The following PHF7 variants were observed in gnomAD, a reference collection of about 807,000 sequenced individuals.
PHF7 encodes the protein E3 ubiquitin-protein ligase PHF7.
In PHF7, 24 loss-of-function variants were observed where a neutral mutation model predicts 47.5. The ratio of observed to expected loss-of-function variants is 0.51; its 90% confidence interval spans 0.37 to 0.71. The LOEUF is 0.71. Ranked by LOEUF, PHF7 falls within the 30% of genes least tolerant of loss-of-function variation. PHF7 has a pLI of 0.00. For synonymous variants in PHF7, 156 were observed against 153.8 expected, an observed-to-expected ratio of 1.01 and a Z score of -0.11; for missense variants, 361 against 456.8, an observed-to-expected ratio of 0.79 and a Z score of 1.91.
At chr3:52,413,776 A>G (rs1257648437) in intron 2 of PHF7, among the ~76,000 whole-genome samples, 2 of 152,228 alleles carry the variant, frequency 1.3e-5, no homozygotes, top group East Asian at 3.8e-4. Flanking sequence ...CAGAGGTTGC[A>G]GTAAGCTGAG....
At chr3:52,416,295 C>T (rs376382102) in intron 4 of PHF7, among the ~76,000 whole-genome samples, 2 of 150,754 alleles carry the variant, frequency 1.3e-5, no homozygotes, top group Non-Finnish European at 3.0e-5. Context: ...GAGCAATTCT[C>T]CTGCATCAGC....
At chr3:52,416,228 C>T (rs141127832) in intron 4 of PHF7, among the ~76,000 whole-genome samples, 1 of 150,420 alleles carries the variant, frequency 6.6e-6, no homozygotes, top group South Asian at 2.1e-4. Context: ...CTCTGTCGCC[C>T]AGGCTGGAGT....
rs768729849 is a variant in PHF7 at position 52,423,510 on chromosome 3, A to G, written c.*193A>G. On this transcript the variant is annotated 3_prime_UTR_variant, in exon 11 of 11. Coordinates refer to ENST00000327906, the MANE Select transcript of PHF7 (RefSeq NM_016483.7). ...CAGATGCCAACAAGGAAATGCGTTT[A>G]TGGCTACAAGAGTGCCTCTGCTTTC... 11 of 546,010 alleles carry G rather than the reference A, an allele frequency of 2.0e-5. No individual in the cohort carries two copies. The highest frequency in any genetic ancestry group is 3.6e-5 in the Non-Finnish European group (11 of 306,664). 33.8% of individuals were successfully genotyped at this position (546,010 alleles called of 1,614,324 possible). A position where few individuals can be genotyped will look rare whatever the true frequency, so the allele number is the denominator to read the frequency against.
intron 1 of PHF7, among the ~76,000 whole-genome samples, chr3:52,411,907 G>A (rs1705454337): frequency 6.6e-6 from 1 of 152,206 alleles, no homozygotes; most frequent in African/African-American, 2.4e-5. Flanking sequence ...GGCCACCTGA[G>A]CCTAGGTGAA....
At chr3:52,419,800 ATTG>A in intron 4 of PHF7, 30 bp from the exon 5 acceptor site, 1 of 1,196,290 alleles carries the variant, frequency 8.4e-7, no homozygotes, top group Non-Finnish European at 1.2e-6. Context: ...ACTGATCATC[ATTG>A]TTAACAGCCT....
At chr3:52,411,818 G>A (rs1405361264) in intron 1 of PHF7, among the ~76,000 whole-genome samples, 1 of 152,244 alleles carries the variant, frequency 6.6e-6, no homozygotes, top group East Asian at 1.9e-4. Flanking sequence ...GGAAATAGGA[G>A]ACAAGGTACC....
intron 8 of PHF7, 67 bp from the exon 9 acceptor site, chr3:52,422,155 C>A: frequency 9.1e-7 from 1 of 1,094,140 alleles, no homozygotes; most frequent in Non-Finnish European, 1.4e-6. Flanking sequence ...TTCCTAACTC[C>A]TCCCTGATGG....
rs1239534786 is a variant in PHF7 at position 52,423,311 on chromosome 3, CAAGT to C, written c.1143_1146del (p.Lys381AsnfsTer4). 2 of 1,601,702 alleles carry C rather than the reference CAAGT, an allele frequency of 1.2e-6. No homozygotes were observed. Among genetic ancestry groups the C allele is most frequent in the Non-Finnish European group, 1.7e-6 (2 of 1,168,980 alleles). On this transcript the variant is annotated frameshift_variant and stop_lost, in exon 11 of 11. Transcript: ENST00000327906. LOFTEE classifies it high-confidence loss of function. ...GAATCACTAACAGCTGCAAAAAATCCAAGTAACACCTTCTGAGTAGCTGCTGTCC... is the reference window on the plus strand; with the variant it reads ...GAATCACTAACAGCTGCAAAAAATCCAACACCTTCTGAGTAGCTGCTGTCC...
At chr3:52,421,443 C>A (rs1238207576) in intron 7 of PHF7, among the ~76,000 whole-genome samples, 2 of 152,192 alleles carry the variant, frequency 1.3e-5, no homozygotes, top group African/African-American at 4.8e-5. Flanking sequence ...ACAGCTGAGG[C>A]ACTCCTGGGA....
chr3:52,422,460 G>T (rs990845682), intron 9 of PHF7, 122 bp downstream of exon 9: 4 of 751,344 alleles, frequency 5.3e-6, no homozygotes, highest in Non-Finnish European at 9.4e-6. Context: ...AAACACGATT[G>T]CTAAGTCTCA....
At chr3:52,419,376 C>T (rs1235709045) in intron 4 of PHF7, among the ~76,000 whole-genome samples, 1 of 151,886 alleles carries the variant, frequency 6.6e-6, no homozygotes, top group Non-Finnish European at 1.5e-5. Context: ...CCATGTAAGC[C>T]TTCATTAAAT....
At chr3:52,419,113 T>C (rs1705707477) in intron 4 of PHF7, among the ~76,000 whole-genome samples, 1 of 152,078 alleles carries the variant, frequency 6.6e-6, no homozygotes, top group Non-Finnish European at 1.5e-5. Context: ...CCAAGGATTG[T>C]AAGCATAAAA....
At position 52,414,038 on chromosome 3, in the gene PHF7, T is replaced by C. The variant is rs761334062; in HGVS notation, c.84T>C (p.Ser28=). Residue 28 remains serine (S), a synonymous_variant, in exon 3 of 11, where the codon TCT becomes TCC. Transcript: ENST00000327906. ...GGAGGGTAACCCAGAGGAAACCGTC[T>C]TCAGGGCCTGGTAAGAAAGACTGGA... ...KTRRVTQRKP[S]SGPVCWLCLR... The C allele has an allele frequency of 1.2e-6, 2 of 1,611,114 alleles. No homozygotes were observed. The highest frequency in any genetic ancestry group is 1.1e-5 in the South Asian group (1 of 91,030).
At chr3:52,417,108 A>G (rs992083727) in intron 4 of PHF7, among the ~76,000 whole-genome samples, 9 of 152,312 alleles carry the variant, frequency 5.9e-5, no homozygotes, top group South Asian at 4.1e-4. Context: ...GCCTTTGTCA[A>G]AATCAATTGA....
Position 52,423,506 on chromosome 3 carries a change from G to A in PHF7, c.*189G>A, listed in dbSNP as rs932988396. On this transcript the variant is annotated 3_prime_UTR_variant, in exon 11 of 11. Transcript: ENST00000327906. ...AGTCCAGATGCCAACAAGGAAATGC[G>A]TTTATGGCTACAAGAGTGCCTCTGC... 3.5e-5 allele frequency: 19 copies of A among 548,940 alleles called. No individual in the cohort carries two copies. Among genetic ancestry groups the A allele is most frequent in the African/African-American group, 2.3e-4 (12 of 52,944 alleles). 34.0% of individuals were successfully genotyped at this position (548,940 alleles called of 1,614,324 possible). A position where few individuals can be genotyped will look rare whatever the true frequency, so the allele number is the denominator to read the frequency against.
intron 9 of PHF7, 143 bp downstream of exon 9, chr3:52,422,481 G>T: frequency 2.9e-6 from 2 of 693,154 alleles, no homozygotes. Flanking sequence ...TTCTTGACCA[G>T]CCCGACTCAC....
Position 52,422,240 on chromosome 3 carries a change from C to G in PHF7, c.699C>G (p.Leu233=). 1 of 1,612,848 alleles carries G rather than the reference C, an allele frequency of 6.2e-7. No homozygotes were observed. Among genetic ancestry groups the G allele is most frequent in the Non-Finnish European group, 8.5e-7 (1 of 1,178,884 alleles). The change falls in exon 9 of 11, where the codon CTC becomes CTG. Residue 233 remains leucine, a synonymous_variant. Coordinates refer to ENST00000327906, the MANE Select transcript of PHF7 (RefSeq NM_016483.7). ...HIPDRDAAWE[L]EPGAFSDLYQ... ...ACTGCAGAGATGCTGCCTGGGAACTCGAGCCAGGGGCTTTCTCAGACTTAT... is the reference window on the plus strand; with the variant it reads ...ACTGCAGAGATGCTGCCTGGGAACTGGAGCCAGGGGCTTTCTCAGACTTAT...
intron 5 of PHF7, 131 bp downstream of exon 5, chr3:52,420,065 T>G: frequency 1.4e-6 from 1 of 723,046 alleles, no homozygotes; most frequent in Admixed American, 2.3e-5. Context: ...CAACTAGTCC[T>G]TAAGTCCCAT....
chr3:52,418,285 A>G (rs1416681146), intron 4 of PHF7, among the ~76,000 whole-genome samples: 1 of 152,216 alleles, frequency 6.6e-6, no homozygotes, highest in East Asian at 1.9e-4. Flanking sequence ...TTACAAGCAT[A>G]TACATTTTTT....
Sources: allele counts gnomAD v4.1 joint callset (sites outside exome capture counted in the v4.1 genomes callset), GRCh38; gene constraint gnomAD v4.1.1; transcripts MANE v1.5; gene names NCBI Gene and HGNC (gene_info 2026-07-23, HGNC 2026-07-21).